MSH6: variants seen among roughly 807,000 people sequenced by gnomAD.
MSH6 encodes mutS homolog 6.
A neutral mutation model predicts 119.1 loss-of-function variants in MSH6; 85 were observed. The observed-to-expected ratio is 0.71, with a 90% CI of 0.60 to 0.85. The LOEUF is 0.85. Ranked by LOEUF, MSH6 falls within the 40% of genes least tolerant of loss-of-function variation. The probability of loss-of-function intolerance (pLI) is 0.00; values close to 1 mark genes in which losing one functional copy is unlikely to be tolerated. For synonymous variants in MSH6, 830 were observed against 586.9 expected, an observed-to-expected ratio of 1.41 and a Z score of -5.99; for missense variants, 2,163 against 1,655.3, an observed-to-expected ratio of 1.31 and a Z score of -5.32.
At position 47,798,984 on chromosome 2, in the gene MSH6, A is replaced by C. The variant is rs1558660066; in HGVS notation, c.1001A>C (p.Lys334Thr). Reference sequence around the variant, plus strand: ...GCAACTAGCATTTCATCAGAAACCAAGAATACTTTGAGAGCTTTCTCTGCC... The same window carrying C: ...GCAACTAGCATTTCATCAGAAACCACGAATACTTTGAGAGCTTTCTCTGCC... ...KQATSISSET[K>T]NTLRAFSAPQ... The change falls in exon 4 of 10, where the codon AAG becomes ACG. Residue 334 changes from lysine to threonine, a missense_variant. By Grantham distance (78) the Lys-to-Thr change is moderately conservative (BLOSUM62 -1). Coordinates refer to ENST00000234420, the MANE Select transcript of MSH6 (RefSeq NM_000179.3). 1 of 1,614,252 alleles carries C rather than the reference A, an allele frequency of 6.2e-7. No individual in the cohort carries two copies. The highest frequency in any genetic ancestry group is 8.5e-7 in the Non-Finnish European group (1 of 1,180,048).
intron 2 of MSH6, among the ~76,000 whole-genome samples, chr2:47,792,781 G>T (rs1237312401): frequency 6.8e-6 from 1 of 148,122 alleles, no homozygotes; most frequent in African/African-American, 2.5e-5. Flanking sequence ...ATTCCCCCCT[G>T]TTTTAGCCTC....
Position 47,800,836 on chromosome 2 carries a change from C to G in MSH6, c.2853C>G (p.Leu951=), listed in dbSNP as rs876658525. 1.2e-6 allele frequency: 2 copies of G among 1,614,048 alleles called. No homozygotes were observed. The highest frequency in any genetic ancestry group is 3.3e-5 in the Admixed American group (2 of 60,000). ...LADIRENEQS[L]LEYLEKQRNR... ...ACATAAGAGAAAATGAACAGAGCCTCCTGGAATACCTAGAGAAACAGCGCA... is the reference window on the plus strand; with the variant it reads ...ACATAAGAGAAAATGAACAGAGCCTGCTGGAATACCTAGAGAAACAGCGCA... Residue 951 remains leucine (L), a synonymous_variant, in exon 4 of 10, where the codon CTC becomes CTG. Transcript: ENST00000234420.
chr2:47,783,183 G>T lies in MSH6; in HGVS notation c.-51G>T, dbSNP rs375109921. The T allele has an allele frequency of 1.1e-4, 179 of 1,606,646 alleles. 1 individual carries two copies. The African/African-American group carries it at 1.9e-3, about 17-fold the overall frequency. ...GCAGGAGCCGCGCGGTAGATGCGGT[G>T]CTTTTAGGAGCTCCGTCCGACAGAA... On this transcript the variant is annotated 5_prime_UTR_variant, in exon 1 of 10. Coordinates refer to ENST00000234420, the MANE Select transcript of MSH6 (RefSeq NM_000179.3).
intron 7 of MSH6, 122 bp from the exon 8 acceptor site, chr2:47,806,082 G>C: frequency 2.1e-6 from 2 of 945,422 alleles, no homozygotes; most frequent in South Asian, 2.8e-5. Flanking sequence ...CCTATTTATA[G>C]AATGCTTTTA....
intron 1 of MSH6, among the ~76,000 whole-genome samples, chr2:47,790,370 G>T (rs929978574): frequency 2.6e-5 from 4 of 152,220 alleles, no homozygotes; most frequent in African/African-American, 9.6e-5. Flanking sequence ...TACGCCCTCA[G>T]TTGTTGACTT....
chr2:47,784,156 T>G (rs1668202048), intron 1 of MSH6: 4 of 994,344 alleles, frequency 4.0e-6, no homozygotes, highest in East Asian at 8.5e-5. Flanking sequence ...CGGGGGGGTG[T>G]GTCACCATGG....
At chr2:47,793,376 T>G (rs1189935846) in intron 2 of MSH6, among the ~76,000 whole-genome samples, 1 of 122,622 alleles carries the variant, frequency 8.2e-6, no homozygotes, top group Non-Finnish European at 1.7e-5. Context: ...GCGCCTGTAA[T>G]CCCAACACTT....
chr2:47,810,002 T>G, downstream of MSH6: 1 of 492,244 alleles, frequency 2.0e-6, no homozygotes, highest in Non-Finnish European at 3.6e-6. Context: ...GTTGCAGATT[T>G]AAACTGGTAA....
rs1558662428 is a variant in MSH6, at chr2:47,799,631, T to G, written c.1648T>G (p.Ser550Ala). Residue 550 changes from serine (S) to alanine (A), a missense_variant, in exon 4 of 10, where the codon TCT becomes GCT. Transcript: ENST00000234420. ...CCTCAAAGAAAAAGAGGAAGATTCT[T>G]CTGGCCATACTCGTGCATATGGTGT... is the stretch of plus-strand genomic sequence containing the variant. The part of the protein sequence containing the change: ...LSLKEKEEDS[S>A]GHTRAYGVCF... 6.2e-7 allele frequency: 1 copy of G among 1,614,132 alleles called. No individual in the cohort carries two copies. The highest frequency in any genetic ancestry group is 8.5e-7 in the Non-Finnish European group (1 of 1,180,026).
intron 1 of MSH6, chr2:47,789,427 G>T (rs754745981): frequency 4.3e-6 from 2 of 468,460 alleles, no homozygotes; most frequent in Non-Finnish European, 4.4e-6. Flanking sequence ...TCCTAGTGAG[G>T]ATGCACATTT....
Position 47,795,945 on chromosome 2 carries a change from C to T in MSH6, c.509C>T (p.Pro170Leu), listed in dbSNP as rs985845102. The T allele has an allele frequency of 1.9e-6, 3 of 1,614,094 alleles. No homozygotes were observed. The highest frequency in any genetic ancestry group is 2.5e-6 in the Non-Finnish European group (3 of 1,180,008). ...GGAGGTCATTTTTACAGTGCAAAGC[C>T]TGAAATACTGAGAGCAATGCAACGT... ...QKGGHFYSAK[P>L]EILRAMQRAD... The change falls in exon 3 of 10, where the codon CCT becomes CTT. Residue 170 changes from proline (P) to leucine (L), a missense_variant. Transcript: ENST00000234420.
rs1669262436 is a variant in MSH6 at position 47,798,831 on chromosome 2, G to C, written c.848G>C (p.Gly283Ala). Residue 283 changes from glycine (G) to alanine (A), a missense_variant, in exon 4 of 10, where the codon GGG (glycine) becomes GCG (alanine). Physicochemically the swap from Gly to Ala is moderately conservative, Grantham distance 60. Coordinates refer to ENST00000234420, the MANE Select transcript of MSH6 (RefSeq NM_000179.3). ...GSSDEISSGV[G>A]DSESEGLNSP... ...AGTGATGAAATAAGCAGTGGAGTGG[G>C]GGATAGTGAGAGTGAAGGCCTGAAC... The C allele has an allele frequency of 6.2e-7, 1 of 1,614,188 alleles. No homozygotes were observed. The highest frequency in any genetic ancestry group is 8.5e-7 in the Non-Finnish European group (1 of 1,180,028).
intron 1 of MSH6, chr2:47,789,537 C>A (rs1455891047): frequency 5.0e-6 from 2 of 398,536 alleles, no homozygotes; most frequent in South Asian, 3.9e-5. Flanking sequence ...CCTCATACAT[C>A]ATTTAAAACA....
At position 47,806,924 on chromosome 2, in the gene MSH6, G is replaced by C; in HGVS notation, c.*64G>C. On this transcript the variant is annotated 3_prime_UTR_variant, in exon 10 of 10. Transcript: ENST00000234420. ...AGGTGGTAAATTCAGACAACATTAT[G>C]ATCTAATAAACTTTATTTTTTAAAA... The C allele has an allele frequency of 8.3e-7, 1 of 1,199,832 alleles. No individual in the cohort carries two copies. Among genetic ancestry groups the C allele is most frequent in the Non-Finnish European group, 1.2e-6 (1 of 811,228 alleles). The allele number at this position is 1,199,832 out of a possible 1,614,324, so 74.3% of individuals were successfully genotyped here.
chr2:47,799,440 C>G lies in MSH6; in HGVS notation c.1457C>G (p.Thr486Ser), dbSNP rs577713548. ...KGYKVARVEQ[T>S]ETPEMMEARC... ...TATAAAGTAGCACGAGTGGAACAGA[C>G]TGAGACTCCAGAAATGATGGAGGCA... The change falls in exon 4 of 10, where the codon ACT (threonine) becomes AGT (serine). Residue 486 changes from threonine to serine, a missense_variant. By Grantham distance (58) the Thr-to-Ser change is moderately conservative (BLOSUM62 1). Transcript: ENST00000234420. 1.9e-6 allele frequency: 3 copies of G among 1,614,120 alleles called. No homozygotes were observed. The highest frequency in any genetic ancestry group is 2.5e-6 in the Non-Finnish European group (3 of 1,180,036).
intron 1 of MSH6, among the ~76,000 whole-genome samples, chr2:47,787,701 C>T (rs1272843598): frequency 6.6e-5 from 10 of 151,476 alleles, no homozygotes; most frequent in Admixed American, 5.9e-4. Flanking sequence ...ACTGCACCCT[C>T]GACCTATTCG....
Position 47,783,923 on chromosome 2 carries a change from A to C in MSH6, c.260+430A>C, listed in dbSNP as rs1668180770. The C allele has an allele frequency of 1.8e-5, 18 of 998,084 alleles. No individual in the cohort carries two copies. The East Asian group carries it at 4.2e-4, about 23-fold the overall frequency. 61.8% of individuals were successfully genotyped at this position (998,084 alleles called of 1,614,324 possible). ...CGGGGCGGGGGGCGGGGTGGCGGGA[A>C]GGAGGAATGCCTGCGGGAGGCCGAA... On this transcript the variant is annotated intron_variant, in intron 1 of 9. Transcript: ENST00000234420.
intron 1 of MSH6, among the ~76,000 whole-genome samples, chr2:47,785,167 A>C (rs1465019719): frequency 6.6e-6 from 1 of 151,418 alleles, no homozygotes; most frequent in South Asian, 2.1e-4. Context: ...CTATTTGAAC[A>C]AACGAAGAAA....
chr2:47,799,582 G>A lies in MSH6; in HGVS notation c.1599G>A (p.Glu533=), dbSNP rs373726731. 6.2e-7 allele frequency: 1 copy of A among 1,614,160 alleles called. No homozygotes were observed. The highest frequency in any genetic ancestry group is 8.5e-7 in the Non-Finnish European group (1 of 1,180,038). The change falls in exon 4 of 10, where the codon GAG becomes GAA. Residue 533 remains glutamate (E), a synonymous_variant. Coordinates refer to ENST00000234420, the MANE Select transcript of MSH6 (RefSeq NM_000179.3). The part of the protein sequence containing the change: ...TYSVLEGDPS[E]NYSKYLLSLK... ...GTGTGCTGGAAGGTGATCCCTCTGA[G>A]AACTACAGTAAGTATCTTCTTAGCC... is the stretch of plus-strand genomic sequence containing the variant.
Sources: allele counts gnomAD v4.1 joint callset (sites outside exome capture counted in the v4.1 genomes callset), GRCh38; gene constraint gnomAD v4.1.1; transcripts MANE v1.5; gene names NCBI Gene and HGNC (gene_info 2026-07-23, HGNC 2026-07-21).